NKAIN3: variants seen among roughly 807,000 people sequenced by gnomAD.
NKAIN3 encodes sodium/potassium-transporting ATPase subunit beta-1-interacting protein 3.
In NKAIN3, 25 loss-of-function variants were observed where a neutral mutation model predicts 30.2. The ratio of observed to expected loss-of-function variants is 0.83; its 90% CI spans 0.60 to 1.16. The LOEUF (loss-of-function observed/expected upper bound fraction) is 1.16, where lower values mean the gene tolerates loss of function less well. NKAIN3 is among the 50% of genes most tolerant of loss of function. The probability of loss-of-function intolerance (pLI) is 0.00; values close to 1 mark genes in which losing one functional copy is unlikely to be tolerated. For synonymous variants in NKAIN3, 91 were observed against 89.6 expected (o/e 1.02, Z -0.09); for missense variants, 225 against 254.1 (o/e 0.89, Z 0.78).
intron 3 of NKAIN3, among the ~76,000 whole-genome samples, chr8:62,663,604 T>A (rs549090669): frequency 6.6e-6 from 1 of 152,288 alleles, no homozygotes; most frequent in East Asian, 1.9e-4. Context: ...ATACTGACAA[T>A]TCTAGGGTTG....
chr8:62,664,734 C>T (rs1414407254), intron 3 of NKAIN3, among the ~76,000 whole-genome samples: 1 of 152,114 alleles, frequency 6.6e-6, no homozygotes, highest in Non-Finnish European at 1.5e-5. Flanking sequence ...CACTCATGTT[C>T]TTCTCCCCCC....
chr8:62,450,575 T>A (rs1805610197), intron 1 of NKAIN3, among the ~76,000 whole-genome samples: 1 of 152,044 alleles, frequency 6.6e-6, no homozygotes, highest in Non-Finnish European at 1.5e-5. Flanking sequence ...AGTGAGGGAG[T>A]ACTATTACTA....
intron 4 of NKAIN3, among the ~76,000 whole-genome samples, chr8:62,890,233 G>C (rs1438065393): frequency 6.6e-6 from 1 of 152,132 alleles, no homozygotes; most frequent in Admixed American, 6.6e-5. Flanking sequence ...CCCTTCCAAG[G>C]GGATTATGGA....
At chr8:62,510,919 G>C (rs997197624) in intron 1 of NKAIN3, among the ~76,000 whole-genome samples, 1 of 151,984 alleles carries the variant, frequency 6.6e-6, no homozygotes, top group Non-Finnish European at 1.5e-5. Flanking sequence ...TCCTTTTCAA[G>C]GTCGTTTGCT....
intron 1 of NKAIN3, among the ~76,000 whole-genome samples, chr8:62,439,399 A>C (rs1474086934): frequency 6.6e-6 from 1 of 152,174 alleles, no homozygotes; most frequent in Non-Finnish European, 1.5e-5. Context: ...ATCCCAGCCA[A>C]CCCATGCTTT....
intron 1 of NKAIN3, among the ~76,000 whole-genome samples, chr8:62,475,640 C>G (rs536456536): frequency 2.0e-5 from 3 of 152,234 alleles, no homozygotes; most frequent in African/African-American, 7.2e-5. Flanking sequence ...CTGACTGAAC[C>G]TCTGCTGGTA....
intron 6 of NKAIN3, among the ~76,000 whole-genome samples, chr8:62,956,781 G>C (rs1158550844): frequency 6.6e-6 from 1 of 152,182 alleles, no homozygotes; most frequent in African/African-American, 2.4e-5. Context: ...AAAGATAAAT[G>C]ATACTTGAGA....
intron 4 of NKAIN3, among the ~76,000 whole-genome samples, chr8:62,854,274 G>T (rs1197183892): frequency 6.6e-6 from 1 of 152,178 alleles, no homozygotes; most frequent in Non-Finnish European, 1.5e-5. Flanking sequence ...CTGCCTCAAT[G>T]ATCTGCCTAA....
chr8:62,670,203 C>T (rs181546849), intron 3 of NKAIN3, among the ~76,000 whole-genome samples: 71 of 152,224 alleles, frequency 4.7e-4, no homozygotes, highest in African/African-American at 1.7e-3. Context: ...CAGCCGTTCT[C>T]TCTTATGAGG....
At chr8:62,257,258 G>T (rs1294602633) in intron 1 of NKAIN3, among the ~76,000 whole-genome samples, 1 of 152,150 alleles carries the variant, frequency 6.6e-6, no homozygotes, top group African/African-American at 2.4e-5. Context: ...GTATTCATAA[G>T]AAAGTTCTGC....
chr8:62,483,641 A>G (rs896180443), intron 1 of NKAIN3: 3 of 196,978 alleles, frequency 1.5e-5, no homozygotes, highest in East Asian at 3.3e-4. Context: ...ATCTTCTCAT[A>G]GGTTGATTTT....
At chr8:62,947,078 T>C (rs1823145102) in intron 5 of NKAIN3, among the ~76,000 whole-genome samples, 1 of 152,198 alleles carries the variant, frequency 6.6e-6, no homozygotes, top group Non-Finnish European at 1.5e-5. Context: ...CTGGAGTCTA[T>C]AAATGCAATG....
rs185048137 is a variant in NKAIN3, at chr8:62,723,958, C to T, written c.274-22974C>T. Among the ~76,000 whole-genome samples the T allele has an allele frequency of 3.3e-3, 497 of 152,218 alleles. 5 individuals carry two copies. The highest frequency in any genetic ancestry group is 0.011 in the African/African-American group (459 of 41,556). On this transcript the variant is annotated intron_variant, in intron 3 of 6. Coordinates refer to ENST00000623646, the MANE Select transcript of NKAIN3 (RefSeq NM_001304533.3). ...CTAACTTCTTACTGTGTTTTCTCTG[C>T]ATTCCATCAAGGTGGTCCAGCAGTA...
At chr8:62,939,815 T>A (rs1822897539) in intron 5 of NKAIN3, among the ~76,000 whole-genome samples, 1 of 151,202 alleles carries the variant, frequency 6.6e-6, no homozygotes, top group Non-Finnish European at 1.5e-5. Flanking sequence ...AACACATAAA[T>A]CTAACAGGAC....
At chr8:62,853,353 C>A (rs1228473614) in intron 4 of NKAIN3, among the ~76,000 whole-genome samples, 1 of 152,128 alleles carries the variant, frequency 6.6e-6, no homozygotes, top group Non-Finnish European at 1.5e-5. Context: ...TGTGTCTCTG[C>A]ACGTGAGATG....
intron 1 of NKAIN3, among the ~76,000 whole-genome samples, chr8:62,349,534 A>C (rs562749198): frequency 1.1e-4 from 16 of 152,326 alleles, no homozygotes; most frequent in Non-Finnish European, 1.5e-4. Context: ...GAAAATATAA[A>C]ACTTTAGGAA....
intron 3 of NKAIN3, among the ~76,000 whole-genome samples, chr8:62,626,050 T>C (rs1811777764): frequency 6.6e-6 from 1 of 152,078 alleles, no homozygotes; most frequent in Non-Finnish European, 1.5e-5. Context: ...TGCTTTATTT[T>C]TGAAGAGGCT....
At chr8:62,484,322 C>T (rs193232262) in intron 1 of NKAIN3, among the ~76,000 whole-genome samples, 1 of 152,364 alleles carries the variant, frequency 6.6e-6, no homozygotes, top group Admixed American at 6.5e-5. Context: ...CCAACACCCA[C>T]CATGCCACTC....
At chr8:62,614,024 A>T (rs975618285) in intron 3 of NKAIN3, among the ~76,000 whole-genome samples, 1 of 152,018 alleles carries the variant, frequency 6.6e-6, no homozygotes, top group Non-Finnish European at 1.5e-5. Context: ...TCCCTGGTGC[A>T]TTATTTAGTT....
Sources: gnomAD v4.1 joint callset for allele counts (sites outside exome capture counted in the v4.1 genomes callset) on GRCh38, gnomAD v4.1.1 for gene constraint, MANE v1.5 for transcripts, NCBI Gene and HGNC (gene_info 2026-07-23, HGNC 2026-07-21) for gene names.